Variants in PLCB4 observed in about 807,000 individuals in gnomAD.
PLCB4 encodes phospholipase C beta 4.
In PLCB4, 77 loss-of-function variants were observed where a neutral mutation model predicts 178.8. The observed-to-expected ratio is 0.43, with a 90% CI of 0.36 to 0.52. The LOEUF (loss-of-function observed/expected upper bound fraction) is 0.52. PLCB4 is among the 20% of genes least tolerant of loss of function. PLCB4 has a pLI of 0.00. For synonymous variants in PLCB4, 496 were observed against 490.8 expected (o/e 1.01, Z -0.14); for missense variants, 1,024 against 1,453.4 (o/e 0.70, Z 4.80).
At chr20:9,108,919 GAGAGAGAA>G (rs2091475190) in intron 2 of PLCB4, among the ~76,000 whole-genome samples, 1 of 150,744 alleles carries the variant, frequency 6.6e-6, no homozygotes, top group African/African-American at 2.5e-5. Flanking sequence ...GAGAGAGAGA[GAGAGAGAA>G]AGAGAGAGAG....
rs900200413 is a variant in PLCB4 at position 9,272,382 on chromosome 20, C to T, written c.-15-35418C>T. 6.6e-5 allele frequency among the ~76,000 whole-genome samples: 10 copies of T among 152,098 alleles called. No homozygotes were observed. In the East Asian group the frequency reaches 7.8e-4, roughly 12 times the overall value. Reference sequence around the variant, plus strand: ...GCTTTAGTAGTCATAAAATATGTTACGTTAATGAGGATGCTGACTGGCAAT... The same window carrying T: ...GCTTTAGTAGTCATAAAATATGTTATGTTAATGAGGATGCTGACTGGCAAT... On this transcript the variant is annotated intron_variant, in intron 3 of 39. Coordinates refer to ENST00000378473, the MANE Select transcript of PLCB4 (RefSeq NM_001377142.1).
At chr20:9,203,893 G>A (rs2093583704) in intron 2 of PLCB4, among the ~76,000 whole-genome samples, 1 of 148,604 alleles carries the variant, frequency 6.7e-6, no homozygotes, top group Admixed American at 6.9e-5. Context: ...CCTGGTCTGA[G>A]AACCATGTCT....
intron 18 of PLCB4, among the ~76,000 whole-genome samples, 157 bp from the exon 19 acceptor site, chr20:9,395,366 G>C (rs2038489685): frequency 6.6e-6 from 1 of 152,314 alleles, no homozygotes. Flanking sequence ...AATGGCGAGA[G>C]AGAGATCACT....
At chr20:9,311,662 C>A (rs2094835905) in intron 4 of PLCB4, among the ~76,000 whole-genome samples, 1 of 152,208 alleles carries the variant, frequency 6.6e-6, no homozygotes. Context: ...TCAAGTCCCT[C>A]CTCATCCTGG....
chr20:9,373,174 G>T lies in PLCB4; in HGVS notation c.744+70G>T, dbSNP rs2036393553. ...GCTTGCCTTCTCTGGTGTCCTCATT[G>T]CATGCCTGCATCATATGCCCTTATT... On this transcript the variant is annotated intron_variant, in intron 12 of 39. Transcript: ENST00000378473. 4.2e-6 allele frequency: 3 copies of T among 716,896 alleles called. No individual in the cohort carries two copies. In the Admixed American group the frequency reaches 6.9e-5, roughly 17 times the overall value. 44.4% of individuals were successfully genotyped at this position (716,896 alleles called of 1,614,324 possible).
intron 2 of PLCB4, among the ~76,000 whole-genome samples, chr20:9,206,618 C>A (rs1260091821): frequency 1.3e-5 from 2 of 152,164 alleles, no homozygotes; most frequent in Non-Finnish European, 1.5e-5. Context: ...AGGAGACTAC[C>A]ATTTTCAATT....
intron 3 of PLCB4, among the ~76,000 whole-genome samples, chr20:9,237,588 C>T (rs2094007408): frequency 6.6e-6 from 1 of 152,204 alleles, no homozygotes. Context: ...TTTTCACAAA[C>T]TTGCCAGGGA....
chr20:9,087,438 G>A (rs6133661), intron 1 of PLCB4, among the ~76,000 whole-genome samples: 34,435 of 147,392 alleles, frequency 0.23, 5,393 homozygotes, highest in East Asian at 0.66. Context: ...GATTTTTTTT[G>A]GCAGATCCTA....
At chr20:9,166,900 T>G (rs2092982543) in intron 2 of PLCB4, among the ~76,000 whole-genome samples, 1 of 152,084 alleles carries the variant, frequency 6.6e-6, no homozygotes, top group Admixed American at 6.5e-5. Flanking sequence ...CCCATGAAAA[T>G]TGTTATATTT....
At position 9,390,067 on chromosome 20, in the gene PLCB4, A is replaced by T. The variant is rs1457248434; in HGVS notation, c.1238+109A>T. On this transcript the variant is annotated intron_variant, in intron 16 of 39. Transcript: ENST00000378473. ...AATAGCTGAATAGTTTGTTTTGTGA[A>T]GTACTAAGTTCAAATAATTCTCCAG... The T allele has an allele frequency of 4.8e-5, 31 of 639,762 alleles. No homozygotes were observed. In the East Asian group the frequency reaches 6.8e-4, roughly 14 times the overall value. The allele number at this position is 639,762 out of a possible 1,614,324, so 39.6% of individuals were successfully genotyped here.
intron 2 of PLCB4, among the ~76,000 whole-genome samples, chr20:9,208,961 C>T (rs371560724): frequency 2.0e-5 from 3 of 152,168 alleles, no homozygotes; most frequent in South Asian, 4.1e-4. Flanking sequence ...CAAAATATAA[C>T]CTAATTTAAT....
intron 3 of PLCB4, among the ~76,000 whole-genome samples, chr20:9,295,582 C>G (rs901495762): frequency 6.6e-6 from 1 of 152,068 alleles, no homozygotes; most frequent in Admixed American, 6.6e-5. Context: ...AGATAAGAAA[C>G]AAGATGACTT....
At chr20:9,226,466 C>T (rs2093866920) in intron 3 of PLCB4, among the ~76,000 whole-genome samples, 1 of 152,154 alleles carries the variant, frequency 6.6e-6, no homozygotes, top group South Asian at 2.1e-4. Context: ...TGGCTGGATA[C>T]ATCACAGTGT....
intron 3 of PLCB4, among the ~76,000 whole-genome samples, chr20:9,274,051 C>T (rs903969850): frequency 2.0e-5 from 3 of 151,858 alleles, no homozygotes; most frequent in Non-Finnish European, 4.4e-5. Context: ...AGCAGGACTT[C>T]GTAACTGATT....
At chr20:9,267,965 G>A (rs1374309791) in intron 3 of PLCB4, among the ~76,000 whole-genome samples, 3 of 152,116 alleles carry the variant, frequency 2.0e-5, no homozygotes, top group Admixed American at 2.0e-4. Context: ...TGCTAACATG[G>A]TTAGGTGTCT....
chr20:9,473,454 A>G, intron 38 of PLCB4, 89 bp downstream of exon 38: 2 of 610,090 alleles, frequency 3.3e-6, no homozygotes, highest in Non-Finnish European at 5.8e-6. Flanking sequence ...AGTGGCTTGC[A>G]TATTGTAATT....
chr20:9,226,945 C>T (rs1483035935), intron 3 of PLCB4, among the ~76,000 whole-genome samples: 1 of 152,050 alleles, frequency 6.6e-6, no homozygotes, highest in Non-Finnish European at 1.5e-5. Context: ...GATTTCTTTC[C>T]ATCCTCACCA....
At chr20:9,418,844 AAC>A (rs1189326172) in intron 25 of PLCB4, among the ~76,000 whole-genome samples, 3 of 152,138 alleles carry the variant, frequency 2.0e-5, no homozygotes, top group African/African-American at 7.2e-5. Flanking sequence ...AATTTTTTTA[AAC>A]AGTGTTTTGT....
intron 3 of PLCB4, among the ~76,000 whole-genome samples, chr20:9,282,862 T>G (rs2094505936): frequency 1.3e-5 from 2 of 152,006 alleles, no homozygotes; most frequent in South Asian, 4.1e-4. Context: ...ATGTGGCCTC[T>G]CATCTTCCAG....
Sources: allele counts gnomAD v4.1 joint callset (sites outside exome capture counted in the v4.1 genomes callset), GRCh38; gene constraint gnomAD v4.1.1; transcripts MANE v1.5; gene names NCBI Gene and HGNC (gene_info 2026-07-23, HGNC 2026-07-21).